Variants in TTLL1 observed in about 807,000 individuals in gnomAD.
TTLL1 encodes the protein TTL family tubulin polyglutamylase complex subunit L1, also known as polyglutamylase complex subunit TTLL1.
TTLL1 carries 33 observed loss-of-function variants against 47.8 expected under a neutral mutation model. The observed-to-expected ratio is 0.69, with a 90% CI of 0.52 to 0.92. The LOEUF (loss-of-function observed/expected upper bound fraction) is 0.92. Ranked by LOEUF, TTLL1 falls within the 40% of genes least tolerant of loss-of-function variation. TTLL1 has a pLI of 0.00. For missense variants in TTLL1, 488 were observed against 547.5 expected (o/e 0.89, Z 1.08); for synonymous variants, 225 against 214.1 (o/e 1.05, Z -0.45).
intron 1 of TTLL1, among the ~76,000 whole-genome samples, chr22:43,081,445 C>T (rs1928881679): frequency 6.6e-6 from 1 of 152,176 alleles, no homozygotes; most frequent in Non-Finnish European, 1.5e-5. Flanking sequence ...TGTGTCCCCA[C>T]AAACTTATGG....
At chr22:43,083,995 T>C (rs1929064587) in intron 1 of TTLL1, among the ~76,000 whole-genome samples, 1 of 152,230 alleles carries the variant, frequency 6.6e-6, no homozygotes, top group Non-Finnish European at 1.5e-5. Flanking sequence ...CATTATTTAC[T>C]AATGCTTACC....
chr22:43,048,019 T>G (rs1601656788), intron 9 of TTLL1, among the ~76,000 whole-genome samples: 2 of 152,206 alleles, frequency 1.3e-5, no homozygotes, highest in South Asian at 4.1e-4. Context: ...ACATGAAGAT[T>G]AAGAATTGTT....
At chr22:43,081,068 A>G (rs1444546458) in intron 1 of TTLL1, among the ~76,000 whole-genome samples, 3 of 150,840 alleles carry the variant, frequency 2.0e-5, no homozygotes, top group Non-Finnish European at 4.4e-5. Context: ...GGAGCCCATC[A>G]CCACGCCTGG....
rs192031467 is a variant in TTLL1, at chr22:43,089,107, T to C, written c.-90+170A>G. Among the ~76,000 whole-genome samples, 498 of 152,272 alleles carry C rather than the reference T, an allele frequency of 3.3e-3. 1 individual carries two copies. The highest frequency in any genetic ancestry group is 0.012 in the African/African-American group (486 of 41,564). The stretch of plus-strand genomic sequence containing the variant: ...AGCGGACGGAGAAAGGCACGGTGGT[T>C]AGCGCGGGCTTCCTGGAGGACGCGG... On this transcript the variant is annotated intron_variant, in intron 1 of 10. Transcript: ENST00000266254.
At position 43,087,497 on chromosome 22, in the gene TTLL1, C is replaced by T. The variant is rs879808930; in HGVS notation, c.-90+1780G>A. Among the ~76,000 whole-genome samples, 207 of 150,162 alleles carry T rather than the reference C, an allele frequency of 1.4e-3. 1 individual carries two copies. The highest frequency in any genetic ancestry group is 2.2e-3 in the Non-Finnish European group (148 of 67,634). On this transcript the variant is annotated intron_variant, in intron 1 of 10. Coordinates refer to ENST00000266254, the MANE Select transcript of TTLL1 (RefSeq NM_012263.5). ...TGGCATCACGCCACTGCACTCCAGC[C>T]CGGGCAACAGAGTGAGACTCCATCT...
At chr22:43,077,953 C>T (rs542095188) in intron 2 of TTLL1, among the ~76,000 whole-genome samples, 1 of 151,762 alleles carries the variant, frequency 6.6e-6, no homozygotes, top group East Asian at 1.9e-4. Flanking sequence ...CAAAAAAATA[C>T]AAAAATTAGC....
chr22:43,041,880 G>A (rs1225496210), intron 10 of TTLL1, among the ~76,000 whole-genome samples: 2 of 152,172 alleles, frequency 1.3e-5, no homozygotes, highest in Admixed American at 6.6e-5. Flanking sequence ...CCAGGGTGGA[G>A]CTGTCAGGAT....
chr22:43,042,922 G>T (rs1215313237), intron 10 of TTLL1, among the ~76,000 whole-genome samples: 1 of 151,428 alleles, frequency 6.6e-6, no homozygotes, highest in Non-Finnish European at 1.5e-5. Context: ...TGAGGCTCTG[G>T]CCTCTGCTGC....
chr22:43,055,523 A>G, intron 8 of TTLL1, among the ~76,000 whole-genome samples: 1 of 151,886 alleles, frequency 6.6e-6, no homozygotes, highest in East Asian at 1.9e-4. Context: ...GTAGAGACAG[A>G]GTCTCGCATG....
intron 10 of TTLL1, among the ~76,000 whole-genome samples, chr22:43,042,592 G>A (rs1925772906): frequency 6.6e-6 from 1 of 152,236 alleles, no homozygotes; most frequent in Non-Finnish European, 1.5e-5. Context: ...ACCTCATGCG[G>A]CCAGTGTCCT....
At chr22:43,045,916 T>A (rs1459080776) in intron 10 of TTLL1, among the ~76,000 whole-genome samples, 1 of 152,116 alleles carries the variant, frequency 6.6e-6, no homozygotes, top group African/African-American at 2.4e-5. Flanking sequence ...ATGATCAAGT[T>A]CAGCACCCAA....
intron 7 of TTLL1, among the ~76,000 whole-genome samples, chr22:43,061,082 C>T (rs187450590): frequency 2.6e-5 from 4 of 151,862 alleles, no homozygotes; most frequent in Non-Finnish European, 5.9e-5. Flanking sequence ...CCCAGTTACT[C>T]GGGGGGCTGA....
At chr22:43,047,180 C>T (rs1453224615) in intron 9 of TTLL1, among the ~76,000 whole-genome samples, 1 of 152,196 alleles carries the variant, frequency 6.6e-6, no homozygotes, top group Non-Finnish European at 1.5e-5. Context: ...GTGACTGGTT[C>T]TGTCCTAAGT....
At chr22:43,055,119 G>A (rs1293299557) in intron 8 of TTLL1, among the ~76,000 whole-genome samples, 1 of 151,362 alleles carries the variant, frequency 6.6e-6, no homozygotes, top group East Asian at 1.9e-4. Flanking sequence ...TACCTCCCGG[G>A]TTCAAGCGAT....
intron 8 of TTLL1, 92 bp downstream of exon 8, chr22:43,059,292 C>G: frequency 6.6e-7 from 1 of 1,520,316 alleles, no homozygotes; most frequent in Non-Finnish European, 8.8e-7. Flanking sequence ...CCGCGCACAG[C>G]TGAAAACAGG....
rs1034623685 is a variant in TTLL1, at chr22:43,073,503, C to T, written c.113+1971G>A. On this transcript the variant is annotated intron_variant, in intron 3 of 10. Coordinates refer to ENST00000266254, the MANE Select transcript of TTLL1 (RefSeq NM_012263.5). ...TCCCGGGCAGCTAGGATTACAGGTG[C>T]GCACCACCACACCCAGATAATTTTT... Among the ~76,000 whole-genome samples, 11 of 151,848 alleles carry T rather than the reference C, an allele frequency of 7.2e-5. No individual in the cohort carries two copies. In the South Asian group the frequency reaches 1.5e-3, roughly 20 times the overall value.
At chr22:43,083,126 G>A (rs900750235) in intron 1 of TTLL1, among the ~76,000 whole-genome samples, 33 of 152,024 alleles carry the variant, frequency 2.2e-4, no homozygotes, top group African/African-American at 7.7e-4. Flanking sequence ...TAGCACTCTG[G>A]GAGGCCGAGG....
chr22:43,040,031 C>G, intron 10 of TTLL1, 126 bp from the exon 11 acceptor site: 1 of 1,328,042 alleles, frequency 7.5e-7, no homozygotes, highest in Non-Finnish European at 1.0e-6. Context: ...CCCACCCTCG[C>G]GACTCCTGCT....
At chr22:43,074,422 C>T (rs1467419450) in intron 3 of TTLL1, among the ~76,000 whole-genome samples, 1 of 101,424 alleles carries the variant, frequency 9.9e-6, no homozygotes, top group Non-Finnish European at 1.7e-5. Context: ...AGCGAAATTT[C>T]GTCTCAAAAA....
Sources: allele counts gnomAD v4.1 joint callset (sites outside exome capture counted in the v4.1 genomes callset), GRCh38; gene constraint gnomAD v4.1.1; transcripts MANE v1.5; gene names NCBI Gene and HGNC (gene_info 2026-07-23, HGNC 2026-07-21).